The following RUFY1 variants were observed in gnomAD, a reference collection of about 807,000 sequenced individuals.
RUFY1 encodes the protein RUN and FYVE domain containing 1.
RUFY1 carries 54 observed loss-of-function variants against 94.6 expected under a neutral mutation model. The observed-to-expected ratio is 0.57, with a 90% CI of 0.46 to 0.72. The LOEUF is 0.72. RUFY1 is among the 30% of genes least tolerant of loss of function. RUFY1 has a pLI of 0.00. For missense variants in RUFY1, 883 were observed against 883.9 expected, an observed-to-expected ratio of 1.00 and a Z score of 0.01; for synonymous variants, 396 against 347.3, an observed-to-expected ratio of 1.14 and a Z score of -1.56.
rs1429886733 is a variant in RUFY1 at position 179,569,354 on chromosome 5, G to A, written c.757G>A (p.Val253Ile). 2 of 1,613,816 alleles carry A rather than the reference G, an allele frequency of 1.2e-6. No homozygotes were observed. The highest frequency in any genetic ancestry group is 1.7e-5 in the Admixed American group (1 of 59,938). The change falls in exon 5 of 18, where the codon GTT becomes ATT. Residue 253 changes from valine to isoleucine, a missense_variant. Val to Ile is a conservative substitution (Grantham distance 29). Coordinates refer to ENST00000319449, the MANE Select transcript of RUFY1 (RefSeq NM_025158.5). Reference sequence around the variant, plus strand: ...GATGGAGGAAGAAGGGATGGTGATTGTTGGTCTGCTGGTGGGACTCAATGT... The same window carrying A: ...GATGGAGGAAGAAGGGATGGTGATTATTGGTCTGCTGGTGGGACTCAATGT... ...LMMEEEGMVI[V>I]GLLVGLNVLD...
At chr5:179,608,664 A>G in intron 17 of RUFY1, 4 of 982,460 alleles carry the variant, frequency 4.1e-6, no homozygotes, top group Non-Finnish European at 4.8e-6. Flanking sequence ...ACGGTGGCTC[A>G]TGACTGTAAT....
At chr5:179,559,266 C>G (rs1045187468) in intron 1 of RUFY1, among the ~76,000 whole-genome samples, 3 of 152,222 alleles carry the variant, frequency 2.0e-5, no homozygotes, top group Admixed American at 1.3e-4. Context: ...TGCACACAGT[C>G]TTTATTACAC....
chr5:179,590,105 G>C (rs1392924808), intron 9 of RUFY1, among the ~76,000 whole-genome samples: 1 of 152,134 alleles, frequency 6.6e-6, no homozygotes, highest in Non-Finnish European at 1.5e-5. Flanking sequence ...TGTAATCCCA[G>C]CACTTTGGGA....
chr5:179,550,844 G>GCGGCGGGGA lies in RUFY1; in HGVS notation c.277_285dup (p.Gly93_Asp95dup), dbSNP rs891398313. 1.0e-4 allele frequency: 124 copies of GCGGCGGGGA among 1,224,258 alleles called. No homozygotes were observed. Among genetic ancestry groups the GCGGCGGGGA allele is most frequent in the East Asian group, 1.8e-4 (5 of 28,390 alleles). The allele number at this position is 1,224,258 out of a possible 1,614,324, so 75.8% of individuals were successfully genotyped here. On this transcript the variant is annotated inframe_insertion, in exon 1 of 18. Coordinates refer to ENST00000319449, the MANE Select transcript of RUFY1 (RefSeq NM_025158.5). ...GCGCTGCGCGCGGCCGCGGGGCTGG[G>GCGGCGGGGA]CGGCGGGGACAGCGGGGACGGCACG... is the stretch of plus-strand genomic sequence containing the variant.
intron 7 of RUFY1, among the ~76,000 whole-genome samples, chr5:179,582,152 T>C (rs1325965064): frequency 6.6e-6 from 1 of 151,042 alleles, no homozygotes; most frequent in East Asian, 1.9e-4. Flanking sequence ...TGATGTGGTG[T>C]ATTTTATTAA....
At chr5:179,555,590 TG>T (rs1365155510) in intron 1 of RUFY1, 2 of 391,682 alleles carry the variant, frequency 5.1e-6, no homozygotes, top group East Asian at 1.5e-4. Flanking sequence ...TAACATTTTT[TG>T]CTCATGTAAC....
At chr5:179,553,794 T>C (rs1422416481) in intron 1 of RUFY1, among the ~76,000 whole-genome samples, 1 of 152,010 alleles carries the variant, frequency 6.6e-6, no homozygotes, top group Non-Finnish European at 1.5e-5. Context: ...TCTCAAAAAA[T>C]AATAATTAAC....
intron 3 of RUFY1, among the ~76,000 whole-genome samples, chr5:179,566,465 G>A (rs1225031870): frequency 6.6e-6 from 1 of 151,936 alleles, no homozygotes; most frequent in East Asian, 1.9e-4. Context: ...AATTAGCTGG[G>A]CGTGGTGGCA....
In RUFY1 at chr5:179,605,715, CTG is replaced by C. The variant is rs562142098; in HGVS notation, c.1857-160_1857-159del. On this transcript the variant is annotated intron_variant, in intron 15 of 17. Coordinates refer to ENST00000319449, the MANE Select transcript of RUFY1 (RefSeq NM_025158.5). The stretch of plus-strand genomic sequence containing the variant: ...CGGGAGCCAGTGTGATGAGGCAACT[CTG>C]GGATTGTACAGAGGCGGAAGGCATT... Among the ~76,000 whole-genome samples, 163 of 152,180 alleles carry C rather than the reference CTG, an allele frequency of 1.1e-3. 1 individual carries two copies. The highest frequency in any genetic ancestry group is 3.8e-3 in the African/African-American group (158 of 41,552).
At chr5:179,577,756 C>T (rs1475694121) in intron 6 of RUFY1, among the ~76,000 whole-genome samples, 1 of 150,088 alleles carries the variant, frequency 6.7e-6, no homozygotes, top group Admixed American at 6.7e-5. Flanking sequence ...TCACACTCAC[C>T]GGTGGTCGGG....
chr5:179,592,070 G>T (rs1765162979), intron 10 of RUFY1, among the ~76,000 whole-genome samples: 2 of 151,754 alleles, frequency 1.3e-5, no homozygotes, highest in African/African-American at 4.8e-5. Context: ...TCAGCCTCCC[G>T]AGTAGCTGGG....
At chr5:179,574,227 T>G (rs1055665894) in intron 5 of RUFY1, among the ~76,000 whole-genome samples, 1 of 152,072 alleles carries the variant, frequency 6.6e-6, no homozygotes, top group Non-Finnish European at 1.5e-5. Context: ...AAACCTGGTC[T>G]CTACCAAAAA....
Position 179,550,690 on chromosome 5 carries a change from C to T in RUFY1, c.121C>T (p.Arg41Ter). The T allele has an allele frequency of 6.7e-7, 1 of 1,497,534 alleles. No individual in the cohort carries two copies. Among genetic ancestry groups the T allele is most frequent in the South Asian group, 1.2e-5 (1 of 80,646 alleles). The allele number at this position is 1,497,534 out of a possible 1,614,324, so 92.8% of individuals were successfully genotyped here. Reference sequence around the variant, plus strand: ...GGGAGAAGAGTTTGAGATCGTGGACCGAAGCCAGCTGCCCGGCCCAGGCGA... The same window carrying T: ...GGGAGAAGAGTTTGAGATCGTGGACTGAAGCCAGCTGCCCGGCCCAGGCGA... ...EPGEEFEIVDRSQLPGPGDLR... is the reference protein window; with the variant it reads ...EPGEEFEIVD Residue 41 changes from arginine (R) to a stop codon, truncating the protein, a stop_gained, in exon 1 of 18, where the codon CGA (arginine) becomes TGA (stop). Transcript: ENST00000319449. LOFTEE classifies it high-confidence loss of function.
chr5:179,555,486 C>A (rs938138950), intron 1 of RUFY1, among the ~76,000 whole-genome samples: 6 of 152,034 alleles, frequency 3.9e-5, no homozygotes, highest in Non-Finnish European at 7.3e-5. Flanking sequence ...GTACAGGTAA[C>A]CCCATAGTAG....
intron 5 of RUFY1, among the ~76,000 whole-genome samples, chr5:179,570,113 C>T (rs1353997642): frequency 2.0e-5 from 3 of 151,870 alleles, no homozygotes; most frequent in African/African-American, 7.3e-5. Context: ...CTCCTGACCT[C>T]GTGATCCACC....
chr5:179,605,270 T>C (rs1272222522), intron 15 of RUFY1, among the ~76,000 whole-genome samples: 5 of 126,250 alleles, frequency 4.0e-5, no homozygotes, highest in South Asian at 2.3e-4. Flanking sequence ...TATAGCAAGA[T>C]CCTGTCTCAA....
At chr5:179,552,792 GAAT>G (rs757853380) in intron 1 of RUFY1, among the ~76,000 whole-genome samples, 1 of 152,206 alleles carries the variant, frequency 6.6e-6, no homozygotes, top group African/African-American at 2.4e-5. Flanking sequence ...ACCTGGCACA[GAAT>G]AATAAGTGTT....
chr5:179,580,206 C>CGTGTGTGTGTGTGTGTGT (rs71591429), intron 6 of RUFY1, among the ~76,000 whole-genome samples: 5 of 127,564 alleles, frequency 3.9e-5, no homozygotes, highest in Non-Finnish European at 6.5e-5. Context: ...CAAAAAATTC[C>CGTGTGTGTGTGTGTGTGT]GTGTGTGTGT....
intron 6 of RUFY1, among the ~76,000 whole-genome samples, chr5:179,578,923 C>T (rs1006266416): frequency 5.9e-5 from 9 of 152,256 alleles, no homozygotes; most frequent in Admixed American, 3.9e-4. Context: ...GGATTACAGG[C>T]GTGAGCCACC....
Sources: allele counts gnomAD v4.1 joint callset (sites outside exome capture counted in the v4.1 genomes callset), GRCh38; gene constraint gnomAD v4.1.1; transcripts MANE v1.5; gene names NCBI Gene and HGNC (gene_info 2026-07-23, HGNC 2026-07-21).